The following PVT1 variants were observed in gnomAD, a reference collection of about 807,000 sequenced individuals.
PVT1 encodes the protein Pvt1 oncogene.
At chr8:127,846,735 A>C (rs977610037) in intron 2 of PVT1, among the ~76,000 whole-genome samples, 1 of 150,242 alleles carries the variant, frequency 6.7e-6, no homozygotes, top group Non-Finnish European at 1.5e-5. Context: ...GCAGTGGCGC[A>C]ATCTCGGCTC....
chr8:128,032,599 C>A (rs1324200361), intron 4 of PVT1, among the ~76,000 whole-genome samples: 2 of 152,216 alleles, frequency 1.3e-5, no homozygotes, highest in Non-Finnish European at 2.9e-5. Flanking sequence ...TAACAAACTG[C>A]AGAATCTCAG....
intron 2 of PVT1, among the ~76,000 whole-genome samples, chr8:127,879,131 G>A (rs1210233150): frequency 2.0e-5 from 3 of 152,226 alleles, no homozygotes; most frequent in Non-Finnish European, 4.4e-5. Flanking sequence ...CCAGCAAAGT[G>A]CCATTCCCAT....
At chr8:127,873,771 T>C (rs1220562086) in intron 2 of PVT1, among the ~76,000 whole-genome samples, 1 of 152,232 alleles carries the variant, frequency 6.6e-6, no homozygotes, top group Non-Finnish European at 1.5e-5. Flanking sequence ...CTTTGCTCCA[T>C]TTCTCCACTT....
At chr8:127,905,412 A>G (rs1815807699) in intron 3 of PVT1, among the ~76,000 whole-genome samples, 2 of 152,232 alleles carry the variant, frequency 1.3e-5, no homozygotes, top group African/African-American at 4.8e-5. Flanking sequence ...CCTCACATGA[A>G]GAAGAGAATT....
intron 3 of PVT1, among the ~76,000 whole-genome samples, chr8:127,964,699 A>G (rs1327191629): frequency 6.6e-6 from 1 of 152,154 alleles, no homozygotes; most frequent in African/African-American, 2.4e-5. Flanking sequence ...TTGTGGCAGA[A>G]TCATTCCAAT....
intron 2 of PVT1, among the ~76,000 whole-genome samples, chr8:127,857,047 G>A (rs187072743): frequency 4.6e-5 from 7 of 152,230 alleles, no homozygotes; most frequent in Admixed American, 3.3e-4. Flanking sequence ...CCAACATGGC[G>A]AAACCCTGTC....
chr8:127,983,941 T>C (rs1051497042), intron 3 of PVT1: 4 of 147,000 alleles, frequency 2.7e-5, no homozygotes, highest in Non-Finnish European at 5.9e-5. Context: ...TACAGTGGCA[T>C]GATCCCAGGT....
At chr8:127,797,265 C>T (rs1814408201) in intron 2 of PVT1, among the ~76,000 whole-genome samples, 2 of 152,188 alleles carry the variant, frequency 1.3e-5, no homozygotes, top group South Asian at 4.1e-4. Context: ...CATCTGACCT[C>T]AGGTGATCTG....
intron 2 of PVT1, among the ~76,000 whole-genome samples, chr8:127,885,309 C>G (rs1408535037): frequency 3.9e-5 from 6 of 152,142 alleles, no homozygotes; most frequent in Admixed American, 3.9e-4. Context: ...ATGCTAAGTC[C>G]TTTATGTTGT....
chr8:127,932,006 C>T (rs528867631), intron 3 of PVT1, among the ~76,000 whole-genome samples: 1 of 152,370 alleles, frequency 6.6e-6, no homozygotes, highest in East Asian at 1.9e-4. Context: ...TGCCCCATTT[C>T]CTCCTCCCAC....
intron 4 of PVT1, among the ~76,000 whole-genome samples, chr8:128,062,014 A>T (rs540350588): frequency 1.4e-4 from 21 of 152,392 alleles, no homozygotes; most frequent in Non-Finnish European, 2.5e-4. Context: ...ACACAGGGCC[A>T]GTGCCTGGCA....
At chr8:127,841,019 T>C (rs1208346121) in intron 2 of PVT1, among the ~76,000 whole-genome samples, 1 of 152,236 alleles carries the variant, frequency 6.6e-6, no homozygotes, top group African/African-American at 2.4e-5. Context: ...TTTTTCACCT[T>C]TGTGTGCCCC....
chr8:127,891,806 C>A (rs1815605723), intron 3 of PVT1, among the ~76,000 whole-genome samples: 2 of 152,198 alleles, frequency 1.3e-5, no homozygotes, highest in Admixed American at 1.3e-4. Context: ...AGTTTCCCTG[C>A]AGCCCATGGG....
At chr8:127,871,154 A>G (rs1449115088) in intron 2 of PVT1, among the ~76,000 whole-genome samples, 1 of 152,232 alleles carries the variant, frequency 6.6e-6, no homozygotes, top group Non-Finnish European at 1.5e-5. Flanking sequence ...CGCAATGCAG[A>G]GGAATGGTTA....
At chr8:127,880,713 G>A (rs551978545) in intron 2 of PVT1, among the ~76,000 whole-genome samples, 1 of 149,708 alleles carries the variant, frequency 6.7e-6, no homozygotes, top group East Asian at 2.0e-4. Context: ...CAATTATCCT[G>A]CCTTAGCCTC....
At chr8:127,984,894 T>TCC (rs751439759) in intron 3 of PVT1, among the ~76,000 whole-genome samples, 2 of 102,990 alleles carry the variant, frequency 1.9e-5, no homozygotes, top group Non-Finnish European at 4.2e-5. Flanking sequence ...TCTTTCTTTC[T>TCC]TTCTTTCTTT....
At chr8:127,854,952 C>T (rs1815145815) in intron 2 of PVT1, among the ~76,000 whole-genome samples, 1 of 152,122 alleles carries the variant, frequency 6.6e-6, no homozygotes, top group Admixed American at 6.5e-5. Flanking sequence ...GTCCTTATAC[C>T]CATTTCACGG....
intron 4 of PVT1, among the ~76,000 whole-genome samples, chr8:128,015,590 T>C (rs112222474): frequency 4.6e-5 from 7 of 151,974 alleles, no homozygotes; most frequent in Non-Finnish European, 8.8e-5. Context: ...CTGGCCAACA[T>C]GGTGAAACCC....
At chr8:128,035,667 A>C (rs1019680635) in intron 4 of PVT1, among the ~76,000 whole-genome samples, 1 of 152,234 alleles carries the variant, frequency 6.6e-6, no homozygotes, top group Admixed American at 6.5e-5. Flanking sequence ...GATTAAATTA[A>C]GGATCTTGAG....
Sources: gnomAD v4.1 joint callset for allele counts (sites outside exome capture counted in the v4.1 genomes callset) on GRCh38, gnomAD v4.1.1 for gene constraint, MANE v1.5 for transcripts, NCBI Gene and HGNC (gene_info 2026-07-23, HGNC 2026-07-21) for gene names.